Variants in DPF3 observed in about 807,000 individuals in gnomAD.
DPF3 encodes zinc finger protein DPF3.
Under a neutral mutation model 56.8 loss-of-function variants are expected in DPF3, and 18 were observed. That is an observed-to-expected ratio of 0.32 (90% confidence interval 0.22 to 0.47). DPF3 has a LOEUF of 0.47. Ranked by LOEUF, DPF3 falls within the 20% of genes least tolerant of loss-of-function variation. DPF3 has a pLI of 1.00. For synonymous variants in DPF3, 188 were observed against 180.2 expected (o/e 1.04, Z -0.35); for missense variants, 403 against 488.8 (o/e 0.82, Z 1.65).
At chr14:72,789,857 G>A (rs1567233417) in intron 1 of DPF3, among the ~76,000 whole-genome samples, 1 of 152,094 alleles carries the variant, frequency 6.6e-6, no homozygotes, top group Non-Finnish European at 1.5e-5. Flanking sequence ...TCCTCCTTAG[G>A]ACTCCACTCA....
chr14:72,892,529 C>G, intron 1 of DPF3: 4 of 1,387,916 alleles, frequency 2.9e-6, no homozygotes, highest in Non-Finnish European at 3.7e-6. Flanking sequence ...TGATGGGCGA[C>G]GAGCTGGCGC....
chr14:72,850,241 T>C (rs974028307), intron 1 of DPF3, among the ~76,000 whole-genome samples: 6 of 152,152 alleles, frequency 3.9e-5, no homozygotes, highest in African/African-American at 1.4e-4. Context: ...GCAAATGGCT[T>C]GGGTTGAATG....
intron 5 of DPF3, among the ~76,000 whole-genome samples, chr14:72,722,396 G>A (rs1033205337): frequency 2.6e-5 from 4 of 152,212 alleles, no homozygotes; most frequent in Admixed American, 6.5e-5. Flanking sequence ...CGCGCTGGCC[G>A]ATGTGCAGCG....
At chr14:72,704,406 C>A (rs1052071176) in intron 6 of DPF3, among the ~76,000 whole-genome samples, 1 of 152,192 alleles carries the variant, frequency 6.6e-6, no homozygotes, top group African/African-American at 2.4e-5. Flanking sequence ...ATCTGGGAAT[C>A]CTGCTAGCAT....
intron 8 of DPF3, among the ~76,000 whole-genome samples, chr14:72,636,090 G>A (rs896940352): frequency 2.0e-5 from 3 of 152,130 alleles, no homozygotes; most frequent in African/African-American, 7.2e-5. Context: ...CTCAAATTGT[G>A]CTCCTTATTC....
chr14:72,812,755 G>A (rs748138928), intron 1 of DPF3, among the ~76,000 whole-genome samples: 4 of 152,160 alleles, frequency 2.6e-5, no homozygotes, highest in South Asian at 2.1e-4. Context: ...CAATGCGTCC[G>A]GGAGGCTGGG....
intron 1 of DPF3, among the ~76,000 whole-genome samples, chr14:72,887,152 A>ACAC (rs1886578443): frequency 7.2e-6 from 1 of 138,046 alleles, no homozygotes; most frequent in East Asian, 2.2e-4. Flanking sequence ...TCTGCCTCCA[A>ACAC]ACACACACAC....
At chr14:72,811,892 GGGC>G (rs1161392945) in intron 1 of DPF3, among the ~76,000 whole-genome samples, 1 of 152,076 alleles carries the variant, frequency 6.6e-6, no homozygotes, top group Non-Finnish European at 1.5e-5. Context: ...GCTTGCTCCA[GGGC>G]ACCCAGCCCT....
At chr14:72,764,904 G>A (rs946792982) in intron 2 of DPF3, among the ~76,000 whole-genome samples, 2 of 152,198 alleles carry the variant, frequency 1.3e-5, no homozygotes, top group Non-Finnish European at 2.9e-5. Context: ...ATTGGCATAT[G>A]AAGTTGAGGC....
chr14:72,801,708 A>C (rs1892899195), intron 1 of DPF3, among the ~76,000 whole-genome samples: 1 of 152,184 alleles, frequency 6.6e-6, no homozygotes, highest in Non-Finnish European at 1.5e-5. Context: ...CAGTGGCGAC[A>C]GATCAGGAAA....
chr14:72,838,720 G>A (rs1884407397), intron 1 of DPF3, among the ~76,000 whole-genome samples: 1 of 148,630 alleles, frequency 6.7e-6, no homozygotes, highest in African/African-American at 2.5e-5. Flanking sequence ...TCACACCACT[G>A]CACTTCATCC....
intron 9 of DPF3, among the ~76,000 whole-genome samples, chr14:72,628,285 C>T (rs973057579): frequency 6.6e-6 from 1 of 152,014 alleles, no homozygotes; most frequent in African/African-American, 2.4e-5. Flanking sequence ...AAGAAGATAT[C>T]CCACAATCAC....
chr14:72,776,220 C>T (rs1891738197), intron 1 of DPF3, among the ~76,000 whole-genome samples: 2 of 152,164 alleles, frequency 1.3e-5, no homozygotes, highest in Admixed American at 1.3e-4. Flanking sequence ...CTAGAGGAAG[C>T]TGGCACAAGG....
intron 2 of DPF3, among the ~76,000 whole-genome samples, chr14:72,756,624 C>T (rs1209464131): frequency 1.3e-5 from 2 of 151,980 alleles, no homozygotes; most frequent in Admixed American, 6.6e-5. Flanking sequence ...ACCAGCCTGG[C>T]CAACATGGTG....
intron 1 of DPF3, among the ~76,000 whole-genome samples, chr14:72,833,482 C>T (rs562554335): frequency 2.4e-4 from 36 of 151,970 alleles, no homozygotes; most frequent in African/African-American, 8.5e-4. Flanking sequence ...CATTAATGTA[C>T]GGGGATGGAT....
At chr14:72,841,053 T>G (rs1884524561) in intron 1 of DPF3, among the ~76,000 whole-genome samples, 1 of 152,236 alleles carries the variant, frequency 6.6e-6, no homozygotes, top group African/African-American at 2.4e-5. Context: ...AAATCATAAC[T>G]GCCTTAGGCG....
At chr14:72,714,077 T>C (rs1037933352) in intron 6 of DPF3, among the ~76,000 whole-genome samples, 8 of 152,180 alleles carry the variant, frequency 5.3e-5, no homozygotes, top group African/African-American at 1.9e-4. Flanking sequence ...TGTAACTCTC[T>C]GAAATACAGA....
At chr14:72,661,332 C>T in intron 8 of DPF3, 2 of 985,352 alleles carry the variant, frequency 2.0e-6, no homozygotes, top group Non-Finnish European at 2.4e-6. Context: ...AAGTCGGTGC[C>T]CACCTGCCCT....
chr14:72,843,716 AT>A (rs1423517313), intron 1 of DPF3, among the ~76,000 whole-genome samples: 1 of 151,916 alleles, frequency 6.6e-6, no homozygotes, highest in East Asian at 1.9e-4. Flanking sequence ...CTAATTTTTT[AT>A]TTTTAGTAGA....
Sources: gnomAD v4.1 joint callset for allele counts (sites outside exome capture counted in the v4.1 genomes callset) on GRCh38, gnomAD v4.1.1 for gene constraint, MANE v1.5 for transcripts, NCBI Gene and HGNC (gene_info 2026-07-23, HGNC 2026-07-21) for gene names.